Variants in PNPLA7 observed in about 807,000 individuals in gnomAD.
PNPLA7 encodes the protein patatin-like phospholipase domain-containing protein 7.
PNPLA7 carries 153 observed loss-of-function variants against 161.7 expected under a neutral mutation model. The ratio of observed to expected loss-of-function variants is 0.95; its 90% CI spans 0.83 to 1.08. PNPLA7 has a LOEUF of 1.08. Ranked by LOEUF, PNPLA7 falls within the 50% of genes least tolerant of loss-of-function variation. The pLI, the probability that PNPLA7 is intolerant of heterozygous loss-of-function variation, is 0.00. For missense variants in PNPLA7, 1,739 were observed against 1,856.6 expected (o/e 0.94, Z 1.16); for synonymous variants, 809 against 782.1 (o/e 1.03, Z -0.57).
intron 7 of PNPLA7, among the ~76,000 whole-genome samples, chr9:137,542,231 G>C (rs1425630974): frequency 1.3e-5 from 2 of 152,172 alleles, no homozygotes; most frequent in Admixed American, 6.5e-5. Context: ...TGCTCTGAGA[G>C]GACAAGATGG....
intron 22 of PNPLA7, 77 bp from the exon 23 acceptor site, chr9:137,480,557 G>C (rs1423564612): frequency 1.3e-5 from 19 of 1,480,572 alleles, no homozygotes; most frequent in African/African-American, 2.8e-5. Context: ...GGGCAAAGAG[G>C]CAGCAGAGGC....
rs1176211196 is a variant in PNPLA7 at position 137,520,842 on chromosome 9, G to A, written c.957+794C>T. Among the ~76,000 whole-genome samples, 2 of 152,242 alleles carry A rather than the reference G, an allele frequency of 1.3e-5. No individual in the cohort carries two copies. Among genetic ancestry groups the A allele is most frequent in the East Asian group, 1.9e-4 (1 of 5,198 alleles). On this transcript the variant is annotated intron_variant, in intron 10 of 34. Coordinates refer to ENST00000406427, the MANE Select transcript of PNPLA7 (RefSeq NM_001098537.3). The surrounding 1 kb of genome is among the most constrained non-coding windows in gnomAD (Gnocchi z 5.2). ...CGCGTCACAGTTCAGGGTCAGCTCCGCCCCACCCGGTTCAGATAGGAGGAG... is the reference window on the plus strand; with the variant it reads ...CGCGTCACAGTTCAGGGTCAGCTCCACCCCACCCGGTTCAGATAGGAGGAG...
chr9:137,493,091 A>G lies in PNPLA7; in HGVS notation c.2128-9T>C, dbSNP rs758736989. 1.1e-5 allele frequency: 17 copies of G among 1,613,728 alleles called. No individual in the cohort carries two copies. The highest frequency in any genetic ancestry group is 1.2e-5 in the Non-Finnish European group (14 of 1,179,970). On this transcript the variant is annotated splice_polypyrimidine_tract_variant and intron_variant, in intron 19 of 34. Coordinates refer to ENST00000406427, the MANE Select transcript of PNPLA7 (RefSeq NM_001098537.3). ...ATCAGCCGAGTCACCACCTGCGGGC[A>G]GACACAGGAGCCAAGAGCCACACGT...
intron 30 of PNPLA7, 39 bp downstream of exon 30, chr9:137,462,646 A>G (rs1229333677): frequency 6.2e-7 from 1 of 1,606,006 alleles, no homozygotes; most frequent in Admixed American, 1.7e-5. Context: ...TGCAGGGAGG[A>G]GCAGCAGGGA....
Position 137,537,014 on chromosome 9 carries a change from C to T in PNPLA7, c.747+3628G>A, listed in dbSNP as rs186444984. Among the ~76,000 whole-genome samples the T allele has an allele frequency of 9.1e-4, 137 of 150,832 alleles. No individual in the cohort carries two copies. Among genetic ancestry groups the T allele is most frequent in the African/African-American group, 2.7e-3 (111 of 40,912 alleles). On this transcript the variant is annotated intron_variant, in intron 8 of 34. Transcript: ENST00000406427. The surrounding 1 kb of genome is among the most constrained non-coding windows in gnomAD (Gnocchi z 4.5). ...ACACTTCATCTCCCACAACAGGAAG[C>T]ATGGGGGCCATCCACCGAGCCACAC...
chr9:137,461,988 G>GCT lies in PNPLA7; in HGVS notation c.3698_3699insAG (p.Val1234AlafsTer115), dbSNP rs1831230573. ...GGTCGCGGAGCATCTTCTCCAGCAC[G>GCT]CCGCTGCGGCCCCAGATGTCAAACA... On this transcript the variant is annotated frameshift_variant, in exon 32 of 35. Transcript: ENST00000406427. LOFTEE classifies it high-confidence loss of function. 6.2e-7 allele frequency: 1 copy of GCT among 1,602,168 alleles called. No homozygotes were observed. Among genetic ancestry groups the GCT allele is most frequent in the Middle Eastern group, 1.7e-4 (1 of 5,998 alleles).
intron 19 of PNPLA7, 104 bp from the exon 20 acceptor site, chr9:137,493,186 T>A: frequency 1.7e-6 from 2 of 1,206,620 alleles, no homozygotes; most frequent in Non-Finnish European, 2.4e-6. Flanking sequence ...CCAATGGCGC[T>A]GGATCTGCTT....
chr9:137,481,977 C>T (rs1026372415), intron 21 of PNPLA7, among the ~76,000 whole-genome samples: 2 of 152,188 alleles, frequency 1.3e-5, no homozygotes, highest in African/African-American at 4.8e-5. Flanking sequence ...GTGTCTCGTG[C>T]CTTAACTAGC....
chr9:137,463,145 C>T (rs1212537347), intron 29 of PNPLA7: 16 of 587,972 alleles, frequency 2.7e-5, no homozygotes, highest in Middle Eastern at 4.5e-4. Context: ...GCTCCCAGTT[C>T]CTCGACTTGG....
Position 137,550,260 on chromosome 9 carries a change from A to G in PNPLA7, c.-63T>C, listed in dbSNP as rs1474176250. 1 of 1,576,926 alleles carries G rather than the reference A, an allele frequency of 6.3e-7. No individual in the cohort carries two copies. The highest frequency in any genetic ancestry group is 1.4e-5 in the African/African-American group (1 of 74,068). ...GACAGCCTGAAGCAAACAAGGGCAC[A>G]CCTCTACCCGCTCATGCTCACACCT... is the stretch of plus-strand genomic sequence containing the variant. On this transcript the variant is annotated 5_prime_UTR_variant, in exon 1 of 35. Transcript: ENST00000406427.
Position 137,467,561 on chromosome 9 carries a change from A to G in PNPLA7, c.2883-88T>C, listed in dbSNP as rs2132082667. The G allele has an allele frequency of 2.7e-6, 4 of 1,496,856 alleles. No homozygotes were observed. The highest frequency in any genetic ancestry group is 1.2e-5 in the South Asian group (1 of 80,646). 92.7% of individuals were successfully genotyped at this position (1,496,856 alleles called of 1,614,324 possible). A position where few individuals can be genotyped will look rare whatever the true frequency, so the allele number is the denominator to read the frequency against. ...GCCTTGTGCTCATCCTCAGTTCCCA[A>G]CTCCTCCACAGGCAGAGACGCTGAC... On this transcript the variant is annotated intron_variant, in intron 25 of 34. Coordinates refer to ENST00000406427, the MANE Select transcript of PNPLA7 (RefSeq NM_001098537.3). This position sits in a 1 kb window ranked among gnomAD's most constrained non-coding sequence, Gnocchi z 5.1.
rs1831560517 is a variant in PNPLA7, at chr9:137,468,152, G to A, written c.2883-679C>T. On this transcript the variant is annotated intron_variant, in intron 25 of 34. Transcript: ENST00000406427. The surrounding 1 kb of genome is among the most constrained non-coding windows in gnomAD (Gnocchi z 4.0). ...ACCCCAGGAGTCAGATGAGCTGGATGTAGACCAGCACCCATGAGACCAGGG... is the reference window on the plus strand; with the variant it reads ...ACCCCAGGAGTCAGATGAGCTGGATATAGACCAGCACCCATGAGACCAGGG... 1.3e-5 allele frequency among the ~76,000 whole-genome samples: 2 copies of A among 152,004 alleles called. No homozygotes were observed. Among genetic ancestry groups the A allele is most frequent in the South Asian group, 4.2e-4 (2 of 4,786 alleles).
At position 137,500,678 on chromosome 9, in the gene PNPLA7, C is replaced by G. The variant is rs757316833; in HGVS notation, c.1757+13G>C. 1 of 1,611,552 alleles carries G rather than the reference C, an allele frequency of 6.2e-7. No individual in the cohort carries two copies. The highest frequency in any genetic ancestry group is 8.5e-7 in the Non-Finnish European group (1 of 1,179,572). ...CTGGGGCCCGCCCTGAGGTCCTGGC[C>G]CGTGGGACTCACTCATAGAAGTGGG... On this transcript the variant is annotated intron_variant, in intron 16 of 34. Transcript: ENST00000406427. The surrounding 1 kb of genome is among the most constrained non-coding windows in gnomAD (Gnocchi z 5.5).
rs186318093 is a variant in PNPLA7, at chr9:137,500,894, G to A, written c.1554C>T (p.Asp518=). Residue 518 remains aspartate, a splice_region_variant and synonymous_variant, in exon 16 of 35, where the codon GAC becomes GAT. Coordinates refer to ENST00000406427, the MANE Select transcript of PNPLA7 (RefSeq NM_001098537.3). This position sits in a 1 kb window ranked among gnomAD's most constrained non-coding sequence, Gnocchi z 5.5. ...CCGAGACCACGAACAGGATGCTGGC[G>A]TCCTGACACACGAGAGGGCTCAGGA... ...GTVVSRQGDQ[D]ASILFVVSGL... 3.1e-4 allele frequency: 480 copies of A among 1,565,712 alleles called. No individual in the cohort carries two copies. Among genetic ancestry groups the A allele is most frequent in the Non-Finnish European group, 3.9e-4 (449 of 1,159,604 alleles).
At chr9:137,465,745 G>T (rs1211965452) in intron 26 of PNPLA7, among the ~76,000 whole-genome samples, 1 of 152,194 alleles carries the variant, frequency 6.6e-6, no homozygotes, top group Admixed American at 6.5e-5. Flanking sequence ...CGCACAGGGG[G>T]TGACGAATTT....
rs755715096 is a variant in PNPLA7 at position 137,460,749 on chromosome 9, G to A, written c.3842-12C>T. The A allele has an allele frequency of 4.3e-6, 7 of 1,609,522 alleles. No individual in the cohort carries two copies. Among genetic ancestry groups the A allele is most frequent in the Non-Finnish European group, 4.2e-6 (5 of 1,177,792 alleles). On this transcript the variant is annotated splice_polypyrimidine_tract_variant and intron_variant, in intron 33 of 34. Transcript: ENST00000406427. ...GTAGTCAGATTCGTCTGGCACCGAG[G>A]GTAGGGCTGCGTCAGTCCCCTCCCA...
At chr9:137,512,062 T>C (rs904566618) in intron 12 of PNPLA7, among the ~76,000 whole-genome samples, 1 of 152,244 alleles carries the variant, frequency 6.6e-6, no homozygotes, top group African/African-American at 2.4e-5. Context: ...TAGTGGCCTC[T>C]GGGCCCAGCT....
intron 24 of PNPLA7, chr9:137,478,471 C>G: frequency 3.8e-6 from 1 of 265,096 alleles, no homozygotes; most frequent in Non-Finnish European, 7.1e-6. Context: ...CCACTGGGGT[C>G]CCTCTATCCT....
chr9:137,463,327 G>T, intron 29 of PNPLA7, 88 bp downstream of exon 29: 2 of 1,190,042 alleles, frequency 1.7e-6, no homozygotes, highest in Non-Finnish European at 2.4e-6. Flanking sequence ...CAGGCTTCTT[G>T]GAGCGGAGGC....
Sources: gnomAD v4.1 joint callset for allele counts (sites outside exome capture counted in the v4.1 genomes callset) on GRCh38, gnomAD v4.1.1 for gene constraint, Gnocchi (gnomAD v3.1) non-coding constraint, MANE v1.5 for transcripts, NCBI Gene and HGNC (gene_info 2026-07-23, HGNC 2026-07-21) for gene names.